The following KCNMB4 variants were observed in gnomAD, a reference collection of about 807,000 sequenced individuals.
The protein encoded by KCNMB4 is calcium-activated potassium channel subunit beta-4.
In KCNMB4, 3 loss-of-function variants were observed where a neutral mutation model predicts 20.7. The observed-to-expected ratio is 0.14, with a 90% CI of 0.07 to 0.37. KCNMB4 has a LOEUF of 0.37. Among genes scored for constraint, KCNMB4 ranks in the 10% least tolerant of loss-of-function variants. The pLI is 1.00. For missense variants in KCNMB4, 168 were observed against 265.9 expected, an observed-to-expected ratio of 0.63 and a Z score of 2.56; for synonymous variants, 110 against 113.4, an observed-to-expected ratio of 0.97 and a Z score of 0.19.
Position 70,366,806 on chromosome 12 carries a change from C to T in KCNMB4, c.72C>T (p.Leu24=). The T allele has an allele frequency of 6.2e-7, 1 of 1,612,550 alleles. No homozygotes were observed. The highest frequency in any genetic ancestry group is 1.7e-5 in the Admixed American group (1 of 59,994). Residue 24 remains leucine, a synonymous_variant, in exon 1 of 3, where the codon CTC becomes CTT. Coordinates refer to ENST00000258111, the MANE Select transcript of KCNMB4 (RefSeq NM_014505.6). ...AGAGCATCCGGCTCGGCTTGTTTCT[C>T]ATCATCTCCGGCGTCGTGTCGCTCT... The part of the protein sequence containing the change: ...EDKSIRLGLF[L]IISGVVSLFI...
intron 1 of KCNMB4, among the ~76,000 whole-genome samples, chr12:70,376,813 A>G (rs1299013444): frequency 6.6e-6 from 1 of 151,866 alleles, no homozygotes; most frequent in Non-Finnish European, 1.5e-5. Flanking sequence ...TTAAGGCTGC[A>G]GTGAGCTGTG....
At chr12:70,373,284 A>C (rs1231324007) in intron 1 of KCNMB4, among the ~76,000 whole-genome samples, 1 of 152,234 alleles carries the variant, frequency 6.6e-6, no homozygotes, top group African/African-American at 2.4e-5. Flanking sequence ...AGTTGATGTT[A>C]AAATAAGGAG....
At chr12:70,414,698 A>C (rs1194124079) in intron 2 of KCNMB4, among the ~76,000 whole-genome samples, 1 of 152,230 alleles carries the variant, frequency 6.6e-6, no homozygotes, top group Non-Finnish European at 1.5e-5. Flanking sequence ...TGGAGCTTAT[A>C]CTTAATTAAA....
Position 70,366,754 on chromosome 12 carries a change from C to T in KCNMB4, c.20C>T (p.Ala7Val). 1 of 1,603,864 alleles carries T rather than the reference C, an allele frequency of 6.2e-7. No individual in the cohort carries two copies. Among genetic ancestry groups the T allele is most frequent in the Non-Finnish European group, 8.5e-7 (1 of 1,177,166 alleles). ...GGGGCGATGGCGAAGCTCCGGGTGG[C>T]TTACGAGTACACGGAAGCCGAGGAC... Reference protein sequence around the residue: MAKLRVAYEYTEAEDKS... With the variant: MAKLRVVYEYTEAEDKS... The change falls in exon 1 of 3, where the codon GCT (alanine) becomes GTT (valine). Residue 7 changes from alanine to valine, a missense_variant. By Grantham distance (64) the Ala-to-Val change is moderately conservative (BLOSUM62 0). Transcript: ENST00000258111.
intron 2 of KCNMB4, chr12:70,422,888 C>T: frequency 2.7e-6 from 3 of 1,127,720 alleles, no homozygotes; most frequent in Non-Finnish European, 3.3e-6. Flanking sequence ...ACTCTGGGAG[C>T]ACAGAGTGGC....
chr12:70,427,350 G>T (rs1869240886), intron 2 of KCNMB4, among the ~76,000 whole-genome samples: 1 of 152,212 alleles, frequency 6.6e-6, no homozygotes, highest in African/African-American at 2.4e-5. Flanking sequence ...GCAATTTAGA[G>T]ATAATCTCAC....
intron 1 of KCNMB4, among the ~76,000 whole-genome samples, chr12:70,393,186 T>TTTTTA (rs973747734): frequency 2.0e-5 from 3 of 151,986 alleles, no homozygotes; most frequent in Admixed American, 2.0e-4. Flanking sequence ...AGACTGTGTG[T>TTTTTA]TTTTATTTTA....
In KCNMB4 at chr12:70,433,999, G is replaced by T. The variant is rs398702; in HGVS notation, c.*3346G>T. 0.89 allele frequency: 135,826 copies of T among 152,280 alleles called. 60,890 individuals carry two copies. Among genetic ancestry groups the T allele is most frequent in the East Asian group, 1 (5,162 of 5,166 alleles). 9.4% of individuals were successfully genotyped at this position (152,280 alleles called of 1,614,324 possible). A position where few individuals can be genotyped will look rare whatever the true frequency, so the allele number is the denominator to read the frequency against. ...TAGTTCATTTGACTGTAATAAAGAC[G>T]TCAATGCCGTTTTTAATGTTTGACT... On this transcript the variant is annotated 3_prime_UTR_variant, in exon 3 of 3. Coordinates refer to ENST00000258111, the MANE Select transcript of KCNMB4 (RefSeq NM_014505.6).
At chr12:70,382,786 T>A (rs1362047596) in intron 1 of KCNMB4, among the ~76,000 whole-genome samples, 1 of 152,206 alleles carries the variant, frequency 6.6e-6, no homozygotes, top group Non-Finnish European at 1.5e-5. Flanking sequence ...GCGTAGGCAG[T>A]TCAGTAAAGA....
chr12:70,373,722 A>C (rs1251555808), intron 1 of KCNMB4, among the ~76,000 whole-genome samples: 1 of 152,194 alleles, frequency 6.6e-6, no homozygotes, highest in Non-Finnish European at 1.5e-5. Flanking sequence ...ATCTCTTTAG[A>C]AACAATCTAA....
At chr12:70,383,438 G>T (rs1236063778) in intron 1 of KCNMB4, among the ~76,000 whole-genome samples, 3 of 152,186 alleles carry the variant, frequency 2.0e-5, no homozygotes, top group Admixed American at 6.5e-5. Flanking sequence ...AGGAGCAATT[G>T]CATGTCAACT....
intron 1 of KCNMB4, among the ~76,000 whole-genome samples, chr12:70,389,311 G>A (rs1036077581): frequency 6.6e-6 from 1 of 151,834 alleles, no homozygotes; most frequent in African/African-American, 2.4e-5. Flanking sequence ...AAATTCTCCT[G>A]CAGAATTGTA....
At chr12:70,415,557 G>A (rs1381715720) in intron 2 of KCNMB4, among the ~76,000 whole-genome samples, 1 of 152,202 alleles carries the variant, frequency 6.6e-6, no homozygotes, top group South Asian at 2.1e-4. Context: ...TTTAAAGTGC[G>A]TTGTTGGTGG....
At chr12:70,385,187 T>TTTTGG (rs542023894) in intron 1 of KCNMB4, among the ~76,000 whole-genome samples, 242 of 152,294 alleles carry the variant, frequency 1.6e-3, no homozygotes, top group African/African-American at 5.2e-3. Flanking sequence ...GTTCAACAAA[T>TTTTGG]GTTTATTGGG....
chr12:70,367,869 A>G (rs879055929), intron 1 of KCNMB4, among the ~76,000 whole-genome samples: 1 of 152,006 alleles, frequency 6.6e-6, no homozygotes, highest in Non-Finnish European at 1.5e-5. Context: ...AAGAAAAAGA[A>G]AAAGAAAAAA....
intron 2 of KCNMB4, among the ~76,000 whole-genome samples, chr12:70,417,779 T>G (rs1170860688): frequency 2.6e-5 from 4 of 152,196 alleles, no homozygotes; most frequent in Non-Finnish European, 5.9e-5. Context: ...TTTGAAGTCT[T>G]TTCTTATTCC....
chr12:70,388,122 C>G (rs1239862208), intron 1 of KCNMB4, among the ~76,000 whole-genome samples: 1 of 152,086 alleles, frequency 6.6e-6, no homozygotes, highest in African/African-American at 2.4e-5. Flanking sequence ...TTAATGATCT[C>G]CAGTTCCGTC....
At chr12:70,424,621 A>G (rs1869159577) in intron 2 of KCNMB4, among the ~76,000 whole-genome samples, 1 of 151,476 alleles carries the variant, frequency 6.6e-6, no homozygotes, top group Admixed American at 6.6e-5. Context: ...GTGGTGGCAC[A>G]CGCCTGTAAT....
At position 70,366,595 on chromosome 12, in the gene KCNMB4, TC is replaced by T; in HGVS notation, c.-135del. On this transcript the variant is annotated 5_prime_UTR_variant, in exon 1 of 3. Transcript: ENST00000258111. ...CCTCGGCCCCTTTGTTCTCGCGCGCTCCCCCTCGCCGCCCACTCCCCTGCTG... is the reference window on the plus strand; with the variant it reads ...CCTCGGCCCCTTTGTTCTCGCGCGCTCCCCTCGCCGCCCACTCCCCTGCTG... The T allele has an allele frequency of 2.3e-6, 1 of 430,394 alleles. No homozygotes were observed. The highest frequency in any genetic ancestry group is 3.4e-6 in the Non-Finnish European group (1 of 294,308). The allele number at this position is 430,394 out of a possible 1,614,324, so 26.7% of individuals were successfully genotyped here. A position where few individuals can be genotyped will look rare whatever the true frequency, so the allele number is the denominator to read the frequency against.
Sources: gnomAD v4.1 joint callset for allele counts (sites outside exome capture counted in the v4.1 genomes callset) on GRCh38, gnomAD v4.1.1 for gene constraint, MANE v1.5 for transcripts, NCBI Gene and HGNC (gene_info 2026-07-23, HGNC 2026-07-21) for gene names.